SP3: variants seen among roughly 807,000 people sequenced by gnomAD.
The protein encoded by SP3 is Sp3 transcription factor, also known as transcription factor Sp3.
Under a neutral mutation model 70.3 loss-of-function variants are expected in SP3, and 10 were observed. The observed-to-expected ratio is 0.14, with a 90% confidence interval of 0.09 to 0.24. SP3 has a LOEUF of 0.24. Among genes scored for constraint, SP3 ranks in the 10% least tolerant of loss-of-function variants. The pLI is 1.00. For missense variants in SP3, 825 were observed against 914.6 expected, an observed-to-expected ratio of 0.90 and a Z score of 1.26; for synonymous variants, 402 against 333.5, an observed-to-expected ratio of 1.21 and a Z score of -2.24.
chr2:173,950,623 T>C (rs1288055365), intron 4 of SP3, among the ~76,000 whole-genome samples: 1 of 149,326 alleles, frequency 6.7e-6, no homozygotes, highest in African/African-American at 2.5e-5. Context: ...ATCATGCCAC[T>C]GCACTCCAGC....
rs1168038226 is a variant in SP3 at position 173,907,796 on chromosome 2, T to C, written c.*2145A>G. ...ATTTTAAGATTCAAAATCTAATCCC[T>C]GTAACTTCAAAATAATTGTAAATTC... On this transcript the variant is annotated 3_prime_UTR_variant, in exon 7 of 7. Transcript: ENST00000310015. 1 of 152,184 alleles carries C rather than the reference T, an allele frequency of 6.6e-6. No homozygotes were observed. Among genetic ancestry groups the C allele is most frequent in the African/African-American group, 2.4e-5 (1 of 41,464 alleles). The allele number at this position is 152,184 out of a possible 1,614,324, so 9.4% of individuals were successfully genotyped here. A position where few individuals can be genotyped will look rare whatever the true frequency, so the allele number is the denominator to read the frequency against.
chr2:173,964,539 C>T lies in SP3; in HGVS notation c.22G>A (p.Val8Met). Residue 8 changes from valine (V) to methionine (M), a missense_variant, in exon 2 of 7, where the codon GTG (valine) becomes ATG (methionine). By Grantham distance (21) the Val-to-Met change is conservative (BLOSUM62 1). Transcript: ENST00000310015. Reference protein sequence around the residue: MTAPEKPVKQEEMAALDV... With the variant: MTAPEKPMKQEEMAALDV... ...AAGGCAGCCATTTCCTCTTGTTTCA[C>T]GGGCTTTTCGGGAGCTGCAGGCACA... 1 of 454,798 alleles carries T rather than the reference C, an allele frequency of 2.2e-6. No homozygotes were observed. Among genetic ancestry groups the T allele is most frequent in the Non-Finnish European group, 4.4e-6 (1 of 227,320 alleles). The allele number at this position is 454,798 out of a possible 1,614,324, so 28.2% of individuals were successfully genotyped here.
rs1437176667 is a variant in SP3 at position 173,902,238 on chromosome 2, C to A, written c.*7703G>T. 1.3e-5 allele frequency among the ~76,000 whole-genome samples: 2 copies of A among 152,192 alleles called. No homozygotes were observed. Among genetic ancestry groups the A allele is most frequent in the African/African-American group, 4.8e-5 (2 of 41,462 alleles). On this transcript the variant is annotated 3_prime_UTR_variant, in exon 7 of 7. Coordinates refer to ENST00000310015, the MANE Select transcript of SP3 (RefSeq NM_003111.5). ...CTTTTAAATTTCTTACTTATACTTGCTTTTCTTCCAGATGAATCTAGAATC... is the reference window on the plus strand; with the variant it reads ...CTTTTAAATTTCTTACTTATACTTGATTTTCTTCCAGATGAATCTAGAATC...
intron 4 of SP3, among the ~76,000 whole-genome samples, chr2:173,950,646 G>C (rs1158737556): frequency 1.4e-5 from 2 of 146,056 alleles, no homozygotes; most frequent in Non-Finnish European, 3.0e-5. Flanking sequence ...AGAAAACAGA[G>C]ACCCTGTCTC....
chr2:173,915,549 A>C (rs1217242257), intron 5 of SP3: 1 of 152,152 alleles, frequency 6.6e-6, no homozygotes, highest in Non-Finnish European at 1.5e-5. Context: ...TAATAATGCT[A>C]AGATAGAGTG....
chr2:173,922,594 G>A (rs1689786628), intron 4 of SP3, among the ~76,000 whole-genome samples: 1 of 151,812 alleles, frequency 6.6e-6, no homozygotes, highest in Non-Finnish European at 1.5e-5. Context: ...AACAAGCAGA[G>A]ACTAAAAAGA....
intron 3 of SP3, among the ~76,000 whole-genome samples, chr2:173,961,246 T>C (rs898440960): frequency 6.6e-5 from 10 of 152,250 alleles, no homozygotes; most frequent in Non-Finnish European, 1.0e-4. Context: ...AGCAATGTAC[T>C]GTGGGTAACC....
At chr2:173,945,737 C>T (rs1157599878) in intron 4 of SP3, among the ~76,000 whole-genome samples, 4 of 152,172 alleles carry the variant, frequency 2.6e-5, no homozygotes, top group African/African-American at 7.2e-5. Flanking sequence ...TAAAGGATCA[C>T]GGGGACACCT....
intron 4 of SP3, among the ~76,000 whole-genome samples, chr2:173,933,201 A>T (rs1690113224): frequency 6.6e-6 from 1 of 151,840 alleles, no homozygotes; most frequent in Non-Finnish European, 1.5e-5. Flanking sequence ...CCAAAGAATT[A>T]AATTTCAATC....
At chr2:173,919,777 C>T (rs4508563) in intron 4 of SP3, among the ~76,000 whole-genome samples, 18,209 of 151,292 alleles carry the variant, frequency 0.12, 1,306 homozygotes, top group Middle Eastern at 0.18. Context: ...TCAGTACAAC[C>T]ACTTTGGAAA....
At chr2:173,963,955 G>C (rs1172027055) in intron 2 of SP3, 72 bp from the exon 3 acceptor site, 21 of 1,117,080 alleles carry the variant, frequency 1.9e-5, no homozygotes, top group Non-Finnish European at 2.4e-5. Context: ...GCCGCCTTTC[G>C]CACAGGAAGT....
At chr2:173,925,347 T>C (rs1689884834) in intron 4 of SP3, among the ~76,000 whole-genome samples, 1 of 152,166 alleles carries the variant, frequency 6.6e-6, no homozygotes, top group African/African-American at 2.4e-5. Context: ...TATGATTCCA[T>C]GAATATGAAG....
chr2:173,954,986 G>T lies in SP3; in HGVS notation c.1526C>A (p.Thr509Asn). The T allele has an allele frequency of 6.2e-7, 1 of 1,614,210 alleles. No individual in the cohort carries two copies. The highest frequency in any genetic ancestry group is 8.5e-7 in the Non-Finnish European group (1 of 1,180,016). Residue 509 changes from threonine to asparagine, a missense_variant, in exon 4 of 7, where the codon ACT becomes AAT. Thr to Asn is a moderately conservative substitution (Grantham distance 65, BLOSUM62 0). Coordinates refer to ENST00000310015, the MANE Select transcript of SP3 (RefSeq NM_003111.5). ...QVAAGGAFTSTPVSLSTGQLP... is the reference protein window; with the variant it reads ...QVAAGGAFTSNPVSLSTGQLP... The stretch of plus-strand genomic sequence containing the variant: ...CTGACCAGTGCTTAGACTAACTGGA[G>T]TTGAAGTGAAGGCTCCACCTGCCGC...
intron 1 of SP3, 48 bp downstream of exon 1, chr2:173,965,111 GGCGGCA>G (rs1301052218): frequency 9.1e-6 from 14 of 1,545,640 alleles, no homozygotes; most frequent in African/African-American, 6.9e-5. Context: ...GGCTGTGGTC[GGCGGCA>G]GCGGCGGCGG....
chr2:173,945,589 A>G (rs1001091192), intron 4 of SP3, among the ~76,000 whole-genome samples: 3 of 152,322 alleles, frequency 2.0e-5, no homozygotes, highest in South Asian at 2.1e-4. Context: ...GCAATTTAAC[A>G]AAAAAACACA....
chr2:173,964,312 G>GAGGGA, intron 2 of SP3, 93 bp downstream of exon 2: 2 of 595,560 alleles, frequency 3.4e-6, no homozygotes, highest in East Asian at 6.6e-5. Context: ...GAGAGACGAG[G>GAGGGA]AGGGAGGGGT....
chr2:173,965,161 G>A lies in SP3; in HGVS notation c.7+4C>T, dbSNP rs1398769100. ...GCAAGGGTTGCTCTCTCGGCTTTAC[G>A]TACCGGTCATAGTGTGTTTAGGGCA... On this transcript the variant is annotated splice_donor_region_variant and intron_variant, in intron 1 of 6. Transcript: ENST00000310015. 3.2e-6 allele frequency: 5 copies of A among 1,548,190 alleles called. No homozygotes were observed. Among genetic ancestry groups the A allele is most frequent in the South Asian group, 2.4e-5 (2 of 83,878 alleles).
At chr2:173,919,804 T>C (rs767796058) in intron 4 of SP3, among the ~76,000 whole-genome samples, 2 of 151,620 alleles carry the variant, frequency 1.3e-5, no homozygotes, top group Non-Finnish European at 2.9e-5. Context: ...CATCTGTATC[T>C]TCTAAAAGTG....
chr2:173,942,673 T>C (rs1374089157), intron 4 of SP3, among the ~76,000 whole-genome samples: 2 of 152,170 alleles, frequency 1.3e-5, no homozygotes, highest in African/African-American at 4.8e-5. Context: ...ACTGGAACCA[T>C]CCACTTGTAG....
Sources: allele counts gnomAD v4.1 joint callset (sites outside exome capture counted in the v4.1 genomes callset), GRCh38; gene constraint gnomAD v4.1.1; transcripts MANE v1.5; gene names NCBI Gene and HGNC (gene_info 2026-07-23, HGNC 2026-07-21).